Variants in SMARCC1 observed in about 807,000 individuals in gnomAD.
SMARCC1 encodes SWI/SNF related BAF chromatin remodeling complex subunit C1.
A neutral mutation model predicts 147.4 loss-of-function variants in SMARCC1; 43 were observed. The observed-to-expected ratio is 0.29, with a 90% CI of 0.23 to 0.38. The LOEUF (loss-of-function observed/expected upper bound fraction) is 0.38. Ranked by LOEUF, SMARCC1 falls within the 10% of genes least tolerant of loss-of-function variation. SMARCC1 has a pLI of 1.00. For synonymous variants in SMARCC1, 495 were observed against 484.4 expected, an observed-to-expected ratio of 1.02 and a Z score of -0.29; for missense variants, 1,119 against 1,381.1, an observed-to-expected ratio of 0.81 and a Z score of 3.01.
intron 14 of SMARCC1, among the ~76,000 whole-genome samples, chr3:47,685,763 A>AAG (rs995126097): frequency 2.0e-5 from 3 of 152,140 alleles, no homozygotes; most frequent in African/African-American, 7.2e-5. Flanking sequence ...AGGCTGAAGC[A>AAG]AGAGAATCAC....
At chr3:47,732,166 C>G (rs902204864) in intron 5 of SMARCC1, among the ~76,000 whole-genome samples, 1 of 152,182 alleles carries the variant, frequency 6.6e-6, no homozygotes, top group East Asian at 1.9e-4. Flanking sequence ...CTGAAAACGG[C>G]TTCTTTCCTT....
At position 47,590,899 on chromosome 3, in the gene SMARCC1, C is replaced by T. The variant is rs1050928124; in HGVS notation, c.3044-62G>A. On this transcript the variant is annotated intron_variant, in intron 26 of 27. Coordinates refer to ENST00000254480, the MANE Select transcript of SMARCC1 (RefSeq NM_003074.4). ...GAAAGGGGTGTAAGAAAGGGATCAA[C>T]TTAAATCCAACTCCTAAATACAAAT... is the stretch of plus-strand genomic sequence containing the variant. 2.9e-6 allele frequency: 4 copies of T among 1,390,034 alleles called. No homozygotes were observed. In the Admixed American group the frequency reaches 6.7e-5, roughly 23 times the overall value. The allele number at this position is 1,390,034 out of a possible 1,614,324, so 86.1% of individuals were successfully genotyped here.
intron 21 of SMARCC1, among the ~76,000 whole-genome samples, chr3:47,660,443 CT>C (rs1467332930): frequency 1.6e-5 from 1 of 62,008 alleles, no homozygotes; most frequent in Non-Finnish European, 2.8e-5. Context: ...AAGACTCTGT[CT>C]AAAAAAAAAA....
At chr3:47,771,017 T>G (rs1286127202) in intron 2 of SMARCC1, among the ~76,000 whole-genome samples, 2 of 152,196 alleles carry the variant, frequency 1.3e-5, no homozygotes, top group African/African-American at 4.8e-5. Context: ...TTCATGCCAT[T>G]CTCCTGCCTC....
At chr3:47,745,096 C>G (rs1021450011) in intron 3 of SMARCC1, among the ~76,000 whole-genome samples, 1 of 151,856 alleles carries the variant, frequency 6.6e-6, no homozygotes, top group Non-Finnish European at 1.5e-5. Context: ...GGTGAAACCC[C>G]ATCTCTACTA....
At chr3:47,640,807 C>G (rs1205744656) in intron 21 of SMARCC1, among the ~76,000 whole-genome samples, 4 of 151,904 alleles carry the variant, frequency 2.6e-5, no homozygotes, top group Admixed American at 2.6e-4. Context: ...GGCTAAATCT[C>G]ATTTGTAATC....
intron 1 of SMARCC1, among the ~76,000 whole-genome samples, chr3:47,779,053 T>C (rs2035012159): frequency 6.7e-6 from 1 of 150,230 alleles, no homozygotes; most frequent in South Asian, 2.1e-4. Flanking sequence ...AGGTAAATAA[T>C]ATCTATCATT....
intron 1 of SMARCC1, among the ~76,000 whole-genome samples, chr3:47,778,929 A>G (rs892551558): frequency 3.3e-5 from 5 of 152,024 alleles, no homozygotes; most frequent in Admixed American, 6.6e-5. Flanking sequence ...TTGAGGCTGC[A>G]GTGTGCTATG....
At chr3:47,693,638 T>TA (rs1033830909) in intron 11 of SMARCC1, among the ~76,000 whole-genome samples, 23 of 152,078 alleles carry the variant, frequency 1.5e-4, no homozygotes, top group Non-Finnish European at 3.1e-4. Flanking sequence ...TTCATTCTTT[T>TA]AAAAAAAATT....
At chr3:47,781,197 A>G (rs985815695) in intron 1 of SMARCC1, among the ~76,000 whole-genome samples, 1 of 152,246 alleles carries the variant, frequency 6.6e-6, no homozygotes, top group Non-Finnish European at 1.5e-5. Flanking sequence ...AACAACAGGT[A>G]GCAAACCCCC....
chr3:47,621,223 C>G (rs1055569493), intron 25 of SMARCC1, among the ~76,000 whole-genome samples: 5 of 150,158 alleles, frequency 3.3e-5, no homozygotes, highest in African/African-American at 1.2e-4. Context: ...TCGCTTGAAC[C>G]TAGGAGGCAG....
chr3:47,599,897 T>G (rs1416911092), intron 26 of SMARCC1, among the ~76,000 whole-genome samples: 2 of 152,232 alleles, frequency 1.3e-5, no homozygotes. Flanking sequence ...CTACCTATCA[T>G]GCACTGGGAA....
At position 47,736,098 on chromosome 3, in the gene SMARCC1, T is replaced by A; in HGVS notation, c.512A>T (p.Tyr171Phe). The change falls in exon 5 of 28, where the codon TAC (tyrosine) becomes TTC (phenylalanine). Residue 171 changes from tyrosine (Y) to phenylalanine (F), a missense_variant. This residue lies in a region of SMARCC1 where 542 missense variants were observed against 611.8 expected (regional missense o/e 0.89). Coordinates refer to ENST00000254480, the MANE Select transcript of SMARCC1 (RefSeq NM_003074.4). ...CTTCAGATCAATGTCTGGAATGAGG[T>A]AGATGTTGGGTCTGGTCAAACAATT... ...QNNCLTRPNI[Y>F]LIPDIDLKLA... The A allele has an allele frequency of 5.0e-6, 8 of 1,597,968 alleles. No individual in the cohort carries two copies. The highest frequency in any genetic ancestry group is 6.8e-6 in the Non-Finnish European group (8 of 1,171,924).
Position 47,670,647 on chromosome 3 carries a change from A to C in SMARCC1, c.1899+11T>G, listed in dbSNP as rs375925436. 4.0e-6 allele frequency: 6 copies of C among 1,493,194 alleles called. No homozygotes were observed. The South Asian group carries it at 6.8e-5, about 17-fold the overall frequency. The allele number at this position is 1,493,194 out of a possible 1,614,324, so 92.5% of individuals were successfully genotyped here. ...TCTTAGCACACATCCCATATGCATT[A>C]ATCTGCTTACCTCCAGGAGTAGAAG... On this transcript the variant is annotated intron_variant, in intron 19 of 27. Transcript: ENST00000254480.
At chr3:47,597,563 T>C (rs1172870779) in intron 26 of SMARCC1, among the ~76,000 whole-genome samples, 1 of 152,162 alleles carries the variant, frequency 6.6e-6, no homozygotes, top group Admixed American at 6.5e-5. Context: ...CCTGACCTCA[T>C]GATCCGCCTG....
At chr3:47,619,788 G>A (rs146033637) in intron 25 of SMARCC1, among the ~76,000 whole-genome samples, 12 of 152,266 alleles carry the variant, frequency 7.9e-5, no homozygotes, top group Admixed American at 5.2e-4. Context: ...ACTGAGGGTG[G>A]GGTGGTATAG....
At chr3:47,611,041 G>A (rs1306466490) in intron 25 of SMARCC1, among the ~76,000 whole-genome samples, 2 of 152,068 alleles carry the variant, frequency 1.3e-5, no homozygotes, top group Admixed American at 6.6e-5. Context: ...AATCTTTCTG[G>A]CACCCAAATG....
chr3:47,685,193 A>C (rs2033704673), intron 14 of SMARCC1, among the ~76,000 whole-genome samples: 1 of 152,276 alleles, frequency 6.6e-6, no homozygotes, highest in African/African-American at 2.4e-5. Context: ...TAGTCTAATA[A>C]CTGATACGGA....
intron 21 of SMARCC1, among the ~76,000 whole-genome samples, chr3:47,650,304 T>A (rs150651687): frequency 0.05 from 5,952 of 119,222 alleles, 198 homozygotes; most frequent in African/African-American, 0.1. Context: ...TAATAATTAT[T>A]ATTATTATTA....
Sources: gnomAD v4.1 joint callset for allele counts (sites outside exome capture counted in the v4.1 genomes callset) on GRCh38, gnomAD v4.1.1 for gene constraint, gnomAD v4.1.1 regional missense constraint, MANE v1.5 for transcripts, NCBI Gene and HGNC (gene_info 2026-07-23, HGNC 2026-07-21) for gene names.